The following CTNNA2 variants were observed in gnomAD, a reference collection of about 807,000 sequenced individuals.
CTNNA2 encodes the protein catenin alpha-2.
In CTNNA2, 42 loss-of-function variants were observed where a neutral mutation model predicts 101.0. The observed-to-expected ratio is 0.42, with a 90% confidence interval of 0.32 to 0.54. CTNNA2 has a LOEUF of 0.54. Ranked by LOEUF, CTNNA2 falls within the 20% of genes least tolerant of loss-of-function variation. CTNNA2 has a pLI of 0.14. For missense variants in CTNNA2, 871 were observed against 1,223.1 expected, an observed-to-expected ratio of 0.71 and a Z score of 4.29; for synonymous variants, 450 against 456.4, an observed-to-expected ratio of 0.99 and a Z score of 0.18.
At chr2:79,347,932 A>G (rs1677298837) in intron 3 of CTNNA2, among the ~76,000 whole-genome samples, 1 of 152,060 alleles carries the variant, frequency 6.6e-6, no homozygotes, top group Non-Finnish European at 1.5e-5. Flanking sequence ...ATCCCATCAG[A>G]CAAGTCAGGA....
At chr2:79,465,911 A>G (rs1247863592) in intron 4 of CTNNA2, among the ~76,000 whole-genome samples, 3 of 152,138 alleles carry the variant, frequency 2.0e-5, no homozygotes, top group African/African-American at 7.2e-5. Context: ...CTAAATATAC[A>G]ATCATGGCCA....
chr2:79,280,389 G>C (rs1675331566), intron 2 of CTNNA2, among the ~76,000 whole-genome samples: 1 of 151,996 alleles, frequency 6.6e-6, no homozygotes, highest in African/African-American at 2.4e-5. Context: ...ACTGCTGTCT[G>C]CCCAAACAGC....
At chr2:79,531,263 C>A (rs1281683946) in intron 1 of CTNNA2, among the ~76,000 whole-genome samples, 2 of 137,728 alleles carry the variant, frequency 1.5e-5, no homozygotes, top group Non-Finnish European at 3.1e-5. Flanking sequence ...AAATGACTTA[C>A]ATAGGTTTCT....
chr2:79,930,308 G>GAA (rs1448944885), intron 7 of CTNNA2, among the ~76,000 whole-genome samples: 2 of 86,466 alleles, frequency 2.3e-5, no homozygotes, highest in African/African-American at 9.9e-5. Flanking sequence ...AAGAAAGAAA[G>GAA]AAAGAAAGAA....
chr2:80,200,693 G>C (rs1000044209), intron 7 of CTNNA2, among the ~76,000 whole-genome samples: 1 of 151,896 alleles, frequency 6.6e-6, no homozygotes, highest in Non-Finnish European at 1.5e-5. Context: ...CTGCCACCAC[G>C]CCCGGCTAAT....
At chr2:80,440,355 G>A (rs1388796706) in intron 9 of CTNNA2, among the ~76,000 whole-genome samples, 1 of 152,194 alleles carries the variant, frequency 6.6e-6, no homozygotes, top group East Asian at 1.9e-4. Context: ...AGTCTACCTT[G>A]AGTCTTGGTA....
intron 7 of CTNNA2, among the ~76,000 whole-genome samples, chr2:80,198,853 TTGTTTCCTTAAA>T (rs1471887292): frequency 2.0e-5 from 3 of 152,118 alleles, no homozygotes; most frequent in Admixed American, 2.0e-4. Flanking sequence ...TTGTTTTGTT[TTGTTTCCTTAAA>T]TGAGTGGAAC....
intron 4 of CTNNA2, among the ~76,000 whole-genome samples, chr2:79,407,973 T>C (rs1225559884): frequency 6.6e-6 from 1 of 152,060 alleles, no homozygotes; most frequent in Non-Finnish European, 1.5e-5. Flanking sequence ...TTCTTTCTGC[T>C]CTAACTCCTG....
intron 7 of CTNNA2, among the ~76,000 whole-genome samples, chr2:79,972,744 A>G (rs1163000721): frequency 6.6e-6 from 1 of 152,212 alleles, no homozygotes; most frequent in Non-Finnish European, 1.5e-5. Context: ...TTTTGTTTCC[A>G]AAATAGAGCA....
At chr2:80,357,781 A>G (rs937070095) in intron 7 of CTNNA2, among the ~76,000 whole-genome samples, 10 of 152,126 alleles carry the variant, frequency 6.6e-5, no homozygotes, top group African/African-American at 2.4e-4. Flanking sequence ...AACCTATTTG[A>G]TTCACATAGA....
intron 9 of CTNNA2, among the ~76,000 whole-genome samples, chr2:80,495,301 C>T (rs553395777): frequency 6.6e-6 from 1 of 152,294 alleles, no homozygotes; most frequent in East Asian, 1.9e-4. Flanking sequence ...CTGTGTTTCT[C>T]ACTGTGCCTT....
chr2:79,796,569 T>A (rs1241192629), intron 3 of CTNNA2, among the ~76,000 whole-genome samples: 3 of 152,100 alleles, frequency 2.0e-5, no homozygotes, highest in African/African-American at 7.2e-5. Flanking sequence ...CAGATTGCCT[T>A]AAGGACACAT....
At chr2:79,544,385 C>CTTTT (rs1054043341) in intron 1 of CTNNA2, among the ~76,000 whole-genome samples, 1 of 152,096 alleles carries the variant, frequency 6.6e-6, no homozygotes, top group African/African-American at 2.4e-5. Context: ...ATGAACATGG[C>CTTTT]TTTCTTTTCT....
intron 8 of CTNNA2, among the ~76,000 whole-genome samples, chr2:80,406,579 C>T (rs1381877896): frequency 6.6e-6 from 1 of 152,124 alleles, no homozygotes; most frequent in Non-Finnish European, 1.5e-5. Flanking sequence ...GTAATCCCAG[C>T]ACTTTGGGAG....
chr2:79,798,232 G>C (rs111826337), intron 3 of CTNNA2, among the ~76,000 whole-genome samples: 88 of 152,298 alleles, frequency 5.8e-4, no homozygotes, highest in African/African-American at 2.0e-3. Flanking sequence ...TCAGGGAACA[G>C]GTTGAAAGCA....
At chr2:80,178,498 C>A (rs1196461483) in intron 7 of CTNNA2, among the ~76,000 whole-genome samples, 1 of 152,188 alleles carries the variant, frequency 6.6e-6, no homozygotes, top group Non-Finnish European at 1.5e-5. Context: ...CCAAAGGCTC[C>A]AAACTGCATC....
At chr2:79,923,344 C>T (rs1476818163) in intron 7 of CTNNA2, among the ~76,000 whole-genome samples, 1 of 152,036 alleles carries the variant, frequency 6.6e-6, no homozygotes, top group Non-Finnish European at 1.5e-5. Flanking sequence ...CTCAGCTAGC[C>T]ATTTCTGTAC....
At chr2:79,693,845 A>G in intron 2 of CTNNA2, among the ~76,000 whole-genome samples, 1 of 152,000 alleles carries the variant, frequency 6.6e-6, no homozygotes, top group Non-Finnish European at 1.5e-5. Flanking sequence ...TGGATTCAGG[A>G]TTGAGGAAAA....
chr2:79,773,136 C>T (rs2105155866), intron 3 of CTNNA2, among the ~76,000 whole-genome samples: 1 of 152,204 alleles, frequency 6.6e-6, no homozygotes, highest in Non-Finnish European at 1.5e-5. Context: ...AGTGAACAGC[C>T]ATAACCCATA....
Sources: allele counts gnomAD v4.1 joint callset (sites outside exome capture counted in the v4.1 genomes callset), GRCh38; gene constraint gnomAD v4.1.1; transcripts MANE v1.5; gene names NCBI Gene and HGNC (gene_info 2026-07-23, HGNC 2026-07-21).